Variants in HSD17B12 observed in about 807,000 individuals in gnomAD.
HSD17B12 encodes the protein very-long-chain 3-oxoacyl-CoA reductase.
HSD17B12 carries 32 observed loss-of-function variants against 39.3 expected under a neutral mutation model. The ratio of observed to expected loss-of-function variants is 0.81; its 90% CI spans 0.61 to 1.09. The LOEUF is 1.09. HSD17B12 is among the 50% of genes least tolerant of loss of function. The probability of loss-of-function intolerance (pLI) is 0.00; values close to 1 mark genes in which losing one functional copy is unlikely to be tolerated. For synonymous variants in HSD17B12, 150 were observed against 146.7 expected, an observed-to-expected ratio of 1.02 and a Z score of -0.16; for missense variants, 342 against 382.9, an observed-to-expected ratio of 0.89 and a Z score of 0.89.
At chr11:43,560,222 C>G in the HSD17B12 span, among the ~76,000 whole-genome samples, 2 of 152,150 alleles carry the variant, frequency 1.3e-5, no homozygotes, top group Non-Finnish European at 2.9e-5. Context: ...GTATTTCATT[C>G]TTACCAGAAC....
intron 5 of HSD17B12, among the ~76,000 whole-genome samples, 162 bp from the exon 6 acceptor site, chr11:43,816,185 G>A (rs1951120962): frequency 1.3e-5 from 2 of 152,060 alleles, no homozygotes; most frequent in African/African-American, 4.8e-5. Flanking sequence ...AACACGGAGA[G>A]TAAAATGAAA....
chr11:43,843,953 G>A (rs982495303), intron 9 of HSD17B12, among the ~76,000 whole-genome samples: 2 of 152,102 alleles, frequency 1.3e-5, no homozygotes, highest in Admixed American at 6.5e-5. Flanking sequence ...CCTTTTCCAT[G>A]GCATCACAGA....
chr11:43,620,944 G>A, the HSD17B12 span, among the ~76,000 whole-genome samples: 752 of 152,320 alleles, frequency 4.9e-3, 6 homozygotes, highest in African/African-American at 0.017. Flanking sequence ...GAGGATCAGA[G>A]GCTATGAAAA....
chr11:43,568,909 G>A, the HSD17B12 span, among the ~76,000 whole-genome samples: 1 of 151,890 alleles, frequency 6.6e-6, no homozygotes. Context: ...TGAGTCATTT[G>A]GGAATTGGGA....
intron 1 of HSD17B12, among the ~76,000 whole-genome samples, chr11:43,726,200 A>T (rs924231461): frequency 3.9e-5 from 6 of 152,144 alleles, no homozygotes; most frequent in African/African-American, 1.4e-4. Flanking sequence ...TACTAATAGT[A>T]TTCCCATTTT....
At chr11:43,761,044 C>T (rs1267130833) in intron 3 of HSD17B12, among the ~76,000 whole-genome samples, 3 of 152,256 alleles carry the variant, frequency 2.0e-5, no homozygotes, top group Non-Finnish European at 2.9e-5. Flanking sequence ...ACGTTCTGTA[C>T]TGCCTGTAAG....
intron 1 of HSD17B12, among the ~76,000 whole-genome samples, chr11:43,725,711 A>T (rs1320167384): frequency 2.0e-5 from 3 of 152,196 alleles, no homozygotes; most frequent in Admixed American, 2.0e-4. Flanking sequence ...AAACAAAACA[A>T]TGTAATATAA....
the HSD17B12 span, among the ~76,000 whole-genome samples, chr11:43,648,289 CAT>C: frequency 6.6e-6 from 1 of 151,980 alleles, no homozygotes; most frequent in African/African-American, 2.4e-5. Flanking sequence ...TTATTCATAA[CAT>C]GATTTTAATA....
intron 6 of HSD17B12, among the ~76,000 whole-genome samples, chr11:43,819,791 T>G (rs1951163828): frequency 1.3e-5 from 2 of 152,354 alleles, no homozygotes; most frequent in South Asian, 4.1e-4. Context: ...ATAAGCTTTC[T>G]TTTGCAAACC....
intron 1 of HSD17B12, among the ~76,000 whole-genome samples, chr11:43,714,808 G>A (rs1590685969): frequency 6.6e-6 from 1 of 152,086 alleles, no homozygotes; most frequent in African/African-American, 2.4e-5. Flanking sequence ...GTTGAGCAGT[G>A]GTTTGTAGTT....
intron 3 of HSD17B12, among the ~76,000 whole-genome samples, chr11:43,772,974 G>A (rs551697680): frequency 1.5e-3 from 235 of 152,114 alleles, no homozygotes; most frequent in Middle Eastern, 3.4e-3. Flanking sequence ...AGCTGGGTGC[G>A]GTGGCACGTG....
intron 3 of HSD17B12, among the ~76,000 whole-genome samples, chr11:43,796,296 A>G (rs996086050): frequency 6.6e-6 from 1 of 152,088 alleles, no homozygotes; most frequent in African/African-American, 2.4e-5. Context: ...GTGTGTGCCT[A>G]TAGTCCCAGC....
the HSD17B12 span, among the ~76,000 whole-genome samples, chr11:43,615,223 T>C: frequency 2.6e-5 from 4 of 152,218 alleles, no homozygotes; most frequent in African/African-American, 9.6e-5. Context: ...ATTCATAAGA[T>C]CTGCCTTTTG....
At chr11:43,659,654 T>C in the HSD17B12 span, among the ~76,000 whole-genome samples, 1 of 152,094 alleles carries the variant, frequency 6.6e-6, no homozygotes, top group African/African-American at 2.4e-5. Flanking sequence ...CAAAATACAG[T>C]TAAGAAAATG....
chr11:43,681,095 T>A, intron 1 of HSD17B12, 108 bp downstream of exon 1: 1 of 1,385,780 alleles, frequency 7.2e-7, no homozygotes. Flanking sequence ...TCCCCAGCTC[T>A]CCTCTTTCTC....
intron 1 of HSD17B12, among the ~76,000 whole-genome samples, chr11:43,736,065 T>C (rs180871984): frequency 6.6e-6 from 1 of 152,318 alleles, no homozygotes; most frequent in East Asian, 1.9e-4. Flanking sequence ...TAAAGATTGA[T>C]AGCCTTTTAA....
At chr11:43,582,193 C>T in the HSD17B12 span, among the ~76,000 whole-genome samples, 1 of 152,154 alleles carries the variant, frequency 6.6e-6, no homozygotes, top group East Asian at 1.9e-4. Flanking sequence ...GTAAAACAGG[C>T]GAGAACTGGG....
chr11:43,815,426 T>G lies in HSD17B12; in HGVS notation c.392-11T>G, dbSNP rs367968413. 1.9e-6 allele frequency: 3 copies of G among 1,540,964 alleles called. No homozygotes were observed. The highest frequency in any genetic ancestry group is 1.4e-5 in the African/African-American group (1 of 74,052). ...ATATGTTACTCAGCTAATCATCTTG[T>G]TCTATTTCAGTGAACAACGTGGGAA... On this transcript the variant is annotated splice_polypyrimidine_tract_variant and intron_variant, in intron 4 of 10. Coordinates refer to ENST00000278353, the MANE Select transcript of HSD17B12 (RefSeq NM_016142.3).
chr11:43,788,575 C>A (rs1372549959), intron 3 of HSD17B12, among the ~76,000 whole-genome samples: 1 of 151,396 alleles, frequency 6.6e-6, no homozygotes, highest in Admixed American at 6.6e-5. Context: ...TCCATGGGAC[C>A]CTCCTCTCTC....
Sources: allele counts gnomAD v4.1 joint callset (sites outside exome capture counted in the v4.1 genomes callset), GRCh38; gene constraint gnomAD v4.1.1; transcripts MANE v1.5; gene names NCBI Gene and HGNC (gene_info 2026-07-23, HGNC 2026-07-21).